EYA2: variants seen among roughly 807,000 people sequenced by gnomAD.
EYA2 encodes protein phosphatase EYA2.
EYA2 carries 31 observed loss-of-function variants against 69.2 expected under a neutral mutation model. That is an observed-to-expected ratio of 0.45 (90% CI 0.34 to 0.60). The LOEUF (loss-of-function observed/expected upper bound fraction) is 0.60. Ranked by LOEUF, EYA2 falls within the 20% of genes least tolerant of loss-of-function variation. The pLI is 0.02. For missense variants in EYA2, 622 were observed against 701.2 expected (o/e 0.89, Z 1.28); for synonymous variants, 257 against 279.4 (o/e 0.92, Z 0.80).
At chr20:46,935,338 C>T (rs1019939738) in intron 1 of EYA2, among the ~76,000 whole-genome samples, 2 of 152,218 alleles carry the variant, frequency 1.3e-5, no homozygotes, top group African/African-American at 4.8e-5. Flanking sequence ...TGACCTGCCG[C>T]ACCTCTCTGG....
intron 11 of EYA2, 101 bp downstream of exon 11, chr20:47,169,298 G>A: frequency 8.4e-7 from 1 of 1,185,192 alleles, no homozygotes; most frequent in South Asian, 1.2e-5. Flanking sequence ...CTGCTTATAA[G>A]GACAAGGAGT....
intron 12 of EYA2, among the ~76,000 whole-genome samples, chr20:47,177,781 C>G (rs2034452642): frequency 6.6e-6 from 1 of 152,256 alleles, no homozygotes. Flanking sequence ...GCATCAAGCA[C>G]AGGCCAGCCC....
intron 14 of EYA2, 98 bp from the exon 15 acceptor site, chr20:47,183,193 G>C: frequency 1.8e-6 from 2 of 1,090,132 alleles, no homozygotes; most frequent in Non-Finnish European, 2.7e-6. Context: ...GGGCCTTTGG[G>C]AGCACAGCTG....
At chr20:47,110,417 G>A (rs947903892) in intron 9 of EYA2, among the ~76,000 whole-genome samples, 1 of 151,530 alleles carries the variant, frequency 6.6e-6, no homozygotes, top group Non-Finnish European at 1.5e-5. Context: ...AATTTTTTAT[G>A]TTTTTTTGTG....
At chr20:47,162,517 C>CTTTTTTTTT (rs10634442) in intron 10 of EYA2, among the ~76,000 whole-genome samples, 2 of 121,572 alleles carry the variant, frequency 1.6e-5, no homozygotes, top group African/African-American at 6.5e-5. Flanking sequence ...ACACATTATC[C>CTTTTTTTTT]TTTTTTTTTT....
At chr20:47,004,826 G>T in intron 3 of EYA2, 116 bp from the exon 4 acceptor site, 2 of 1,364,018 alleles carry the variant, frequency 1.5e-6, no homozygotes, top group Non-Finnish European at 2.1e-6. Context: ...CATGTATGTT[G>T]TCTCTGCTCT....
At chr20:46,968,566 C>G (rs937647481) in intron 1 of EYA2, among the ~76,000 whole-genome samples, 1 of 152,184 alleles carries the variant, frequency 6.6e-6, no homozygotes, top group African/African-American at 2.4e-5. Context: ...CACCACCCCC[C>G]AGAACATCAT....
At chr20:46,910,221 C>G (rs1984574465) in intron 1 of EYA2, among the ~76,000 whole-genome samples, 2 of 152,080 alleles carry the variant, frequency 1.3e-5, no homozygotes, top group South Asian at 4.1e-4. Context: ...CCTTAGGAAA[C>G]TTACAATCAT....
intron 1 of EYA2, among the ~76,000 whole-genome samples, chr20:46,927,860 A>G (rs62201226): frequency 0.036 from 5,542 of 152,326 alleles, 162 homozygotes; most frequent in Non-Finnish European, 0.057. Flanking sequence ...ACGAGTCGCT[A>G]GTACCTGTCT....
intron 2 of EYA2, among the ~76,000 whole-genome samples, chr20:46,991,668 A>T (rs962559400): frequency 1.3e-5 from 2 of 152,192 alleles, no homozygotes; most frequent in Non-Finnish European, 2.9e-5. Context: ...GTTCTGGTTT[A>T]TCTTAAAAGA....
intron 9 of EYA2, among the ~76,000 whole-genome samples, chr20:47,114,518 G>A (rs574479915): frequency 6.6e-6 from 1 of 152,294 alleles, no homozygotes; most frequent in East Asian, 1.9e-4. Flanking sequence ...AGGAGGCTGA[G>A]GCAAAAGAAT....
At chr20:46,896,404 CA>C (rs71892947) in intron 1 of EYA2, among the ~76,000 whole-genome samples, 223 of 141,350 alleles carry the variant, frequency 1.6e-3, no homozygotes, top group African/African-American at 2.7e-3. Context: ...ATCCTGCTTA[CA>C]AAAAAAAAAA....
chr20:47,155,494 T>G (rs1006429408), intron 10 of EYA2, among the ~76,000 whole-genome samples: 1 of 151,940 alleles, frequency 6.6e-6, no homozygotes, highest in African/African-American at 2.4e-5. Flanking sequence ...TACCCATTCA[T>G]TAACCCTTAC....
chr20:47,020,898 G>A (rs1216567798), intron 5 of EYA2, among the ~76,000 whole-genome samples: 2 of 152,192 alleles, frequency 1.3e-5, no homozygotes, highest in Non-Finnish European at 2.9e-5. Context: ...TAGCATGGTA[G>A]TTAAAAACAA....
intron 5 of EYA2, among the ~76,000 whole-genome samples, chr20:47,019,682 A>G (rs1405133753): frequency 6.6e-6 from 1 of 152,048 alleles, no homozygotes; most frequent in Non-Finnish European, 1.5e-5. Flanking sequence ...TTTCCTTTCT[A>G]AGAATTTAAA....
chr20:47,166,728 C>G (rs1041293993), intron 10 of EYA2, among the ~76,000 whole-genome samples: 8 of 152,096 alleles, frequency 5.3e-5, no homozygotes, highest in Admixed American at 5.2e-4. Context: ...TCTCGGTGCT[C>G]TCATGCAGCA....
chr20:47,040,312 A>G (rs4810598), intron 5 of EYA2, among the ~76,000 whole-genome samples: 126,687 of 152,168 alleles, frequency 0.83, 54,832 homozygotes, highest in Non-Finnish European at 0.96. Context: ...ATACTGTTCC[A>G]TAAAGAAGTG....
chr20:46,927,139 T>G (rs935486883), intron 1 of EYA2, among the ~76,000 whole-genome samples: 3 of 152,192 alleles, frequency 2.0e-5, no homozygotes, highest in African/African-American at 4.8e-5. Flanking sequence ...AAGTTGAGTT[T>G]ACCAACACAT....
intron 5 of EYA2, among the ~76,000 whole-genome samples, chr20:47,021,803 T>C (rs1237525861): frequency 6.6e-6 from 1 of 151,936 alleles, no homozygotes; most frequent in African/African-American, 2.4e-5. Flanking sequence ...AAAAGTTCAG[T>C]AAAAGCACTT....
Sources: allele counts gnomAD v4.1 joint callset (sites outside exome capture counted in the v4.1 genomes callset), GRCh38; gene constraint gnomAD v4.1.1; transcripts MANE v1.5; gene names NCBI Gene and HGNC (gene_info 2026-07-23, HGNC 2026-07-21).